Variants in MYT1L observed in about 807,000 individuals in gnomAD.
MYT1L encodes myelin transcription factor 1 like.
A neutral mutation model predicts 126.7 loss-of-function variants in MYT1L; 12 were observed. The ratio of observed to expected loss-of-function variants is 0.09; its 90% CI spans 0.06 to 0.15. The LOEUF (loss-of-function observed/expected upper bound fraction) is 0.15. Ranked by LOEUF, MYT1L falls within the 10% of genes least tolerant of loss-of-function variation. The pLI, the probability that MYT1L is intolerant of heterozygous loss-of-function variation, is 1.00. For missense variants in MYT1L, 979 were observed against 1,585.2 expected, an observed-to-expected ratio of 0.62 and a Z score of 6.49; for synonymous variants, 541 against 604.2, an observed-to-expected ratio of 0.90 and a Z score of 1.53.
chr2:1,796,822 G>A (rs116967349), intron 23 of MYT1L, among the ~76,000 whole-genome samples: 6,360 of 152,196 alleles, frequency 0.042, 192 homozygotes, highest in South Asian at 0.099. Flanking sequence ...AGGCCCCCAC[G>A]GTGGGGTCTC....
In MYT1L at chr2:1,910,215, C is replaced by G. The variant is rs573691954; in HGVS notation, c.1817+25G>C. The G allele has an allele frequency of 4.4e-6, 7 of 1,601,206 alleles. No homozygotes were observed. Among genetic ancestry groups the G allele is most frequent in the Admixed American group, 1.7e-5 (1 of 59,938 alleles). On this transcript the variant is annotated intron_variant, in intron 13 of 24. Transcript: ENST00000647738. This position sits in a 1 kb window ranked among gnomAD's most constrained non-coding sequence, Gnocchi z 4.8. Reference sequence around the variant, plus strand: ...TGGGGCAGACTATGGATAGAGCTCACGGATGGTGCACTCCTGCTGGGTACC... The same window carrying G: ...TGGGGCAGACTATGGATAGAGCTCAGGGATGGTGCACTCCTGCTGGGTACC...
chr2:1,944,522 G>A (rs989131756), intron 8 of MYT1L, among the ~76,000 whole-genome samples: 8 of 151,106 alleles, frequency 5.3e-5, no homozygotes, highest in African/African-American at 1.9e-4. Context: ...CAGGGTGAGA[G>A]GTGTGGCCTC....
intron 3 of MYT1L, among the ~76,000 whole-genome samples, chr2:2,119,436 C>A (rs1408503355): frequency 1.3e-5 from 2 of 152,160 alleles, no homozygotes; most frequent in African/African-American, 4.8e-5. Context: ...AAATAAAATT[C>A]AGTTTTTGTG....
At chr2:1,992,203 A>G (rs75024350) in intron 5 of MYT1L, among the ~76,000 whole-genome samples, 5,144 of 152,210 alleles carry the variant, frequency 0.034, 238 homozygotes, top group African/African-American at 0.11. Flanking sequence ...CCTCATGACA[A>G]CCCAGCGTCG....
intron 8 of MYT1L, among the ~76,000 whole-genome samples, chr2:1,948,671 C>T (rs1022466822): frequency 1.6e-5 from 2 of 128,308 alleles, no homozygotes; most frequent in African/African-American, 5.9e-5. Context: ...GTGGTGCCGC[C>T]CAGCAACACC....
chr2:2,194,417 T>C (rs1032322213), intron 2 of MYT1L, among the ~76,000 whole-genome samples: 1 of 152,186 alleles, frequency 6.6e-6, no homozygotes, highest in Non-Finnish European at 1.5e-5. Flanking sequence ...AACTTGTTAA[T>C]ACCAAGAGCT....
chr2:2,278,252 A>AG, intron 2 of MYT1L, among the ~76,000 whole-genome samples: 1 of 152,344 alleles, frequency 6.6e-6, no homozygotes, highest in African/African-American at 2.4e-5. Context: ...CAAGAGGTCC[A>AG]GGCTACTATT....
rs558995673 is a variant in MYT1L at position 2,157,300 on chromosome 2, T to G, written c.-304+15572A>C. Among the ~76,000 whole-genome samples the G allele has an allele frequency of 1.1e-3, 165 of 152,342 alleles. 1 individual carries two copies. Among genetic ancestry groups the G allele is most frequent in the African/African-American group, 3.9e-3 (162 of 41,590 alleles). On this transcript the variant is annotated intron_variant, in intron 3 of 24. Coordinates refer to ENST00000647738, the MANE Select transcript of MYT1L (RefSeq NM_001303052.2). ...AAGGCATTATTATTATTCATAACTT[T>G]GCTTCATTAGTTTAACAATGACATA...
intron 8 of MYT1L, among the ~76,000 whole-genome samples, chr2:1,966,515 C>T (rs1479849210): frequency 1.3e-5 from 2 of 151,980 alleles, no homozygotes; most frequent in Non-Finnish European, 2.9e-5. Context: ...ACCCTCCATG[C>T]CCTCCCCTCC....
chr2:2,190,007 C>T (rs1179319987), intron 2 of MYT1L, among the ~76,000 whole-genome samples: 3 of 152,218 alleles, frequency 2.0e-5, no homozygotes, highest in African/African-American at 7.2e-5. Flanking sequence ...GGCCACTGCA[C>T]AGCTGGTTTT....
chr2:2,309,190 G>T (rs548501742), intron 1 of MYT1L, among the ~76,000 whole-genome samples: 1 of 149,632 alleles, frequency 6.7e-6, no homozygotes, highest in African/African-American at 2.5e-5. Context: ...CCTACACTTA[G>T]GTATACTCTA....
At chr2:2,211,803 CAA>C (rs35770675) in intron 2 of MYT1L, among the ~76,000 whole-genome samples, 3 of 59,706 alleles carry the variant, frequency 5.0e-5, no homozygotes, top group Non-Finnish European at 6.7e-5. Flanking sequence ...GACTCCATGT[CAA>C]AAAAAAAAAA....
chr2:1,884,413 T>C (rs1381484839), intron 18 of MYT1L, among the ~76,000 whole-genome samples: 2 of 152,236 alleles, frequency 1.3e-5, no homozygotes, highest in Non-Finnish European at 2.9e-5. Flanking sequence ...GCTCAGTCCA[T>C]GCTCCTGGGC....
chr2:2,294,583 A>G (rs1172451943), intron 1 of MYT1L, among the ~76,000 whole-genome samples: 2 of 151,764 alleles, frequency 1.3e-5, no homozygotes, highest in East Asian at 3.9e-4. Context: ...AAGAGAGGGC[A>G]GACAGTGAAG....
At chr2:2,011,199 G>A (rs2063784499) in intron 4 of MYT1L, among the ~76,000 whole-genome samples, 1 of 152,078 alleles carries the variant, frequency 6.6e-6, no homozygotes, top group Non-Finnish European at 1.5e-5. Flanking sequence ...GACCAGCCTG[G>A]CCAACACGGC....
chr2:1,944,786 T>C (rs2057042822), intron 8 of MYT1L, among the ~76,000 whole-genome samples: 1 of 152,192 alleles, frequency 6.6e-6, no homozygotes, highest in Non-Finnish European at 1.5e-5. Context: ...CACTCCTGTG[T>C]ACACCATGCA....
chr2:2,002,815 AGAGAGT>A (rs2062532682), intron 4 of MYT1L, among the ~76,000 whole-genome samples: 1 of 152,096 alleles, frequency 6.6e-6, no homozygotes, highest in African/African-American at 2.4e-5. Context: ...TTCTCATGAT[AGAGAGT>A]GAGTTTCAAG....
chr2:2,328,618 T>C (rs1264454575), intron 1 of MYT1L, among the ~76,000 whole-genome samples: 4 of 152,230 alleles, frequency 2.6e-5, no homozygotes, highest in Admixed American at 6.5e-5. Context: ...GAAATTTGTG[T>C]GTCATGCATA....
intron 14 of MYT1L, among the ~76,000 whole-genome samples, chr2:1,901,381 T>C (rs575392365): frequency 6.6e-6 from 1 of 152,334 alleles, no homozygotes; most frequent in African/African-American, 2.4e-5. Flanking sequence ...GAGAACTTAA[T>C]TTCTTTTGAT....
Sources: allele counts gnomAD v4.1 joint callset (sites outside exome capture counted in the v4.1 genomes callset), GRCh38; gene constraint gnomAD v4.1.1; non-coding constraint Gnocchi (gnomAD v3.1); transcripts MANE v1.5; gene names NCBI Gene and HGNC (gene_info 2026-07-23, HGNC 2026-07-21).